Variants in SGCZ observed in about 807,000 individuals in gnomAD.
SGCZ encodes the protein zeta-sarcoglycan.
Under a neutral mutation model 41.3 loss-of-function variants are expected in SGCZ, and 40 were observed. That is an observed-to-expected ratio of 0.97 (90% CI 0.75 to 1.26). The LOEUF is 1.26. SGCZ is among the 50% of genes most tolerant of loss of function. The probability of loss-of-function intolerance (pLI) is 0.00; values close to 1 mark genes in which losing one functional copy is unlikely to be tolerated. For synonymous variants in SGCZ, 206 were observed against 137.5 expected (o/e 1.50, Z -3.49); for missense variants, 552 against 369.8 (o/e 1.49, Z -4.04).
chr8:14,150,859 C>T (rs1255033326), intron 5 of SGCZ, among the ~76,000 whole-genome samples: 1 of 152,096 alleles, frequency 6.6e-6, no homozygotes, highest in African/African-American at 2.4e-5. Context: ...AGAATGAAAT[C>T]CAGTCACTTG....
intron 1 of SGCZ, among the ~76,000 whole-genome samples, chr8:14,572,913 T>C (rs1323057300): frequency 6.6e-6 from 1 of 152,206 alleles, no homozygotes; most frequent in Non-Finnish European, 1.5e-5. Context: ...AGGCTGTTTC[T>C]GCAATGAATA....
At chr8:14,852,190 G>A (rs1383727596) in intron 1 of SGCZ, among the ~76,000 whole-genome samples, 4 of 151,934 alleles carry the variant, frequency 2.6e-5, no homozygotes, top group South Asian at 2.1e-4. Context: ...AATCTCAAGC[G>A]CAATATTTTT....
intron 1 of SGCZ, among the ~76,000 whole-genome samples, chr8:15,223,278 C>T (rs1487992920): frequency 2.0e-5 from 3 of 152,154 alleles, no homozygotes; most frequent in Non-Finnish European, 2.9e-5. Context: ...GAATCAACTA[C>T]ATGATAGAAA....
chr8:14,329,310 G>A (rs1802233122), intron 2 of SGCZ, among the ~76,000 whole-genome samples: 1 of 152,056 alleles, frequency 6.6e-6, no homozygotes, highest in African/African-American at 2.4e-5. Flanking sequence ...TTCCTCACAG[G>A]GATGTTGTAT....
intron 1 of SGCZ, among the ~76,000 whole-genome samples, chr8:14,558,573 T>TGAGAGAGA (rs1446126804): frequency 4.0e-5 from 1 of 24,832 alleles, no homozygotes; most frequent in African/African-American, 2.0e-4. Context: ...AGAATGACTC[T>TGAGAGAGA]TAGAGAGAGA....
At chr8:14,701,663 C>T (rs13266683) in intron 1 of SGCZ, among the ~76,000 whole-genome samples, 113,515 of 151,768 alleles carry the variant, frequency 0.75, 42,590 homozygotes, top group South Asian at 0.79. Context: ...TCTTTTCTTA[C>T]GGCCCAATGT....
intron 2 of SGCZ, among the ~76,000 whole-genome samples, chr8:14,451,791 A>C (rs555140595): frequency 1.2e-4 from 18 of 152,240 alleles, no homozygotes; most frequent in Non-Finnish European, 2.2e-4. Context: ...AACAAGTTAC[A>C]TCTTATTAGA....
chr8:14,121,100 G>C (rs1033489893), intron 5 of SGCZ, among the ~76,000 whole-genome samples: 4 of 152,080 alleles, frequency 2.6e-5, no homozygotes, highest in Admixed American at 6.5e-5. Flanking sequence ...GGCTAAGAGA[G>C]TCCCCAGAAA....
At chr8:14,164,497 A>G in intron 5 of SGCZ, 83 bp downstream of exon 5, 1 of 1,526,018 alleles carries the variant, frequency 6.6e-7, no homozygotes. Context: ...CATAGGAATC[A>G]TCCATCTTAT....
At chr8:14,408,966 T>TGTGTGTGTGCGCGTGTGC (rs1395616202) in intron 2 of SGCZ, among the ~76,000 whole-genome samples, 4 of 136,776 alleles carry the variant, frequency 2.9e-5, no homozygotes, top group Admixed American at 1.4e-4. Flanking sequence ...TGTGTGTGTG[T>TGTGTGTGTGCGCGTGTGC]GTGTGCATGT....
At chr8:14,890,047 T>C (rs887507925) in intron 1 of SGCZ, among the ~76,000 whole-genome samples, 1 of 151,934 alleles carries the variant, frequency 6.6e-6, no homozygotes, top group Non-Finnish European at 1.5e-5. Context: ...TGAAACTCCG[T>C]CTCTACTAAA....
chr8:14,836,427 T>C (rs1802704836), intron 1 of SGCZ, among the ~76,000 whole-genome samples: 1 of 152,202 alleles, frequency 6.6e-6, no homozygotes, highest in Non-Finnish European at 1.5e-5. Flanking sequence ...TTTATTTCCC[T>C]GTCCCATACA....
At chr8:15,173,280 T>C (rs1799902794) in intron 1 of SGCZ, among the ~76,000 whole-genome samples, 1 of 152,216 alleles carries the variant, frequency 6.6e-6, no homozygotes, top group South Asian at 2.1e-4. Flanking sequence ...TTCACATTAT[T>C]GTGAAACAGA....
chr8:14,364,918 C>A (rs1253541601), intron 2 of SGCZ, among the ~76,000 whole-genome samples: 1 of 151,960 alleles, frequency 6.6e-6, no homozygotes, highest in Non-Finnish European at 1.5e-5. Flanking sequence ...GAAGTTCCTC[C>A]CCACCCCAAA....
At chr8:15,064,745 G>C (rs1387289059) in intron 1 of SGCZ, among the ~76,000 whole-genome samples, 1 of 152,038 alleles carries the variant, frequency 6.6e-6, no homozygotes, top group African/African-American at 2.4e-5. Context: ...AGTTTGGGGG[G>C]ATCAGTGAGA....
intron 1 of SGCZ, among the ~76,000 whole-genome samples, chr8:14,567,060 T>A (rs866664262): frequency 2.6e-5 from 4 of 152,134 alleles, no homozygotes; most frequent in Non-Finnish European, 2.9e-5. Context: ...TCTCCCTGGG[T>A]CTTAGCTGCC....
intron 1 of SGCZ, among the ~76,000 whole-genome samples, chr8:14,775,187 G>A (rs1455633615): frequency 6.6e-6 from 1 of 152,084 alleles, no homozygotes; most frequent in Admixed American, 6.6e-5. Flanking sequence ...TGAATCACCT[G>A]GAGATTTTGT....
chr8:15,122,747 A>G (rs1052687483), intron 1 of SGCZ, among the ~76,000 whole-genome samples: 4 of 152,202 alleles, frequency 2.6e-5, no homozygotes, highest in Non-Finnish European at 5.9e-5. Flanking sequence ...TCAAACTCTC[A>G]TAAATAAACT....
At chr8:14,432,179 G>A (rs1038613731) in intron 2 of SGCZ, among the ~76,000 whole-genome samples, 2 of 152,070 alleles carry the variant, frequency 1.3e-5, no homozygotes, top group African/African-American at 2.4e-5. Flanking sequence ...CCCACTACTG[G>A]GTATCTACCC....
Sources: gnomAD v4.1 joint callset for allele counts (sites outside exome capture counted in the v4.1 genomes callset) on GRCh38, gnomAD v4.1.1 for gene constraint, MANE v1.5 for transcripts, NCBI Gene and HGNC (gene_info 2026-07-23, HGNC 2026-07-21) for gene names.